Variants in CEP192 observed in about 807,000 individuals in gnomAD.
CEP192 encodes centrosomal protein 192, also known as centrosomal protein of 192 kDa.
A neutral mutation model predicts 271.8 loss-of-function variants in CEP192; 151 were observed. That is an observed-to-expected ratio of 0.56 (90% CI 0.49 to 0.64). CEP192 has a LOEUF of 0.64. Among genes scored for constraint, CEP192 ranks in the 30% least tolerant of loss-of-function variants. The probability of loss-of-function intolerance (pLI) is 0.00; values close to 1 mark genes in which losing one functional copy is unlikely to be tolerated. For missense variants in CEP192, 2,910 were observed against 3,020.5 expected (o/e 0.96, Z 0.86); for synonymous variants, 995 against 1,076.5 (o/e 0.92, Z 1.48).
chr18:13,022,105 C>T (rs1368821943), intron 9 of CEP192, among the ~76,000 whole-genome samples: 1 of 152,038 alleles, frequency 6.6e-6, no homozygotes, highest in Admixed American at 6.6e-5. Context: ...TCCAATTGTT[C>T]CAGCACCATT....
At chr18:13,093,118 C>T (rs1271052099) in intron 34 of CEP192, among the ~76,000 whole-genome samples, 10 of 152,098 alleles carry the variant, frequency 6.6e-5, no homozygotes, top group African/African-American at 9.7e-5. Flanking sequence ...AAGATGGGGA[C>T]ATTGCATTCC....
intron 4 of CEP192, among the ~76,000 whole-genome samples, chr18:13,011,116 A>G (rs2034324562): frequency 6.6e-6 from 1 of 151,460 alleles, no homozygotes; most frequent in Non-Finnish European, 1.5e-5. Context: ...AGTCCCAGCT[A>G]CTTGGGGGGC....
intron 37 of CEP192, 104 bp from the exon 38 acceptor site, chr18:13,100,201 G>A: frequency 1.3e-6 from 1 of 741,932 alleles, no homozygotes; most frequent in South Asian, 1.8e-5. Context: ...TTGATGTTTT[G>A]TTTGTTTGGC....
intron 6 of CEP192, among the ~76,000 whole-genome samples, chr18:13,016,075 C>T (rs996149833): frequency 4.6e-5 from 7 of 152,126 alleles, no homozygotes; most frequent in Admixed American, 6.5e-5. Flanking sequence ...CCTCTGCTCT[C>T]GGACACCTTA....
intron 38 of CEP192, among the ~76,000 whole-genome samples, chr18:13,102,193 T>C (rs1015296231): frequency 1.8e-4 from 28 of 152,266 alleles, no homozygotes; most frequent in African/African-American, 6.3e-4. Flanking sequence ...CCCCTGCTCC[T>C]GCTGTCACTC....
intron 18 of CEP192, among the ~76,000 whole-genome samples, chr18:13,053,354 C>T (rs1264758710): frequency 6.6e-6 from 1 of 152,166 alleles, no homozygotes; most frequent in Non-Finnish European, 1.5e-5. Flanking sequence ...TGCGCGCATA[C>T]TATGGGGACT....
intron 34 of CEP192, among the ~76,000 whole-genome samples, chr18:13,093,958 T>C (rs1417946387): frequency 6.6e-6 from 1 of 152,148 alleles, no homozygotes; most frequent in Non-Finnish European, 1.5e-5. Flanking sequence ...AAGGAGAAAA[T>C]AGATTGCAGG....
intron 30 of CEP192, among the ~76,000 whole-genome samples, chr18:13,084,970 C>T (rs2038824636): frequency 6.6e-6 from 1 of 151,526 alleles, no homozygotes; most frequent in African/African-American, 2.4e-5. Flanking sequence ...CGCATGCCAC[C>T]ACACCCAGCT....
In CEP192 at chr18:13,052,915, T is replaced by G; in HGVS notation, c.3018-4T>G. The G allele has an allele frequency of 1.3e-6, 2 of 1,554,596 alleles. No individual in the cohort carries two copies. The highest frequency in any genetic ancestry group is 2.4e-5 in the South Asian group (2 of 82,972). On this transcript the variant is annotated splice_region_variant and splice_polypyrimidine_tract_variant and intron_variant, in intron 17 of 44. Coordinates refer to ENST00000506447, the MANE Select transcript of CEP192 (RefSeq NM_032142.4). ...TCCAGGTGTGAGCTACTCTTCTCTT[T>G]CAGGTGTGCGTTAGAGTCCTTTGGT...
At chr18:13,063,798 A>G (rs957597461) in intron 21 of CEP192, among the ~76,000 whole-genome samples, 10 of 150,166 alleles carry the variant, frequency 6.7e-5, no homozygotes, top group Admixed American at 6.0e-4. Flanking sequence ...TGCCCAGATC[A>G]ATGTCCTGGA....
intron 44 of CEP192, among the ~76,000 whole-genome samples, chr18:13,118,423 G>T (rs964878999): frequency 2.6e-5 from 4 of 152,196 alleles, no homozygotes; most frequent in Non-Finnish European, 5.9e-5. Flanking sequence ...TACAGTTGAA[G>T]CTCACAGCCC....
chr18:13,039,763 A>C (rs967115807), intron 13 of CEP192, among the ~76,000 whole-genome samples: 5 of 152,198 alleles, frequency 3.3e-5, no homozygotes, highest in Non-Finnish European at 5.9e-5. Context: ...GCCCATCTCC[A>C]GGTGCAGCAG....
At chr18:12,998,040 T>C (rs1403686808) in intron 1 of CEP192, among the ~76,000 whole-genome samples, 2 of 152,192 alleles carry the variant, frequency 1.3e-5, no homozygotes, top group Non-Finnish European at 2.9e-5. Flanking sequence ...ATCTCTTTAG[T>C]GGTCATAAAA....
rs140554728 is a variant in CEP192 at position 13,056,536 on chromosome 18, T to A, written c.3946T>A (p.Ser1316Thr). ...NSVAVGICLG[S>T]NIGSGWMGTS... ...TGTGGCTGTGGGAATTTGTCTAGGATCAAATATCGGCTCTGGATGGATGGG... is the reference window on the plus strand; with the variant it reads ...TGTGGCTGTGGGAATTTGTCTAGGAACAAATATCGGCTCTGGATGGATGGG... Residue 1316 changes from serine (S) to threonine (T), a missense_variant, in exon 19 of 45, where the codon TCA (serine) becomes ACA (threonine). Physicochemically the swap from Ser to Thr is moderately conservative, Grantham distance 58. Coordinates refer to ENST00000506447, the MANE Select transcript of CEP192 (RefSeq NM_032142.4). 6.6e-5 allele frequency: 107 copies of A among 1,614,208 alleles called. No individual in the cohort carries two copies. The African/African-American group carries it at 1.2e-3, about 18-fold the overall frequency.
intron 30 of CEP192, among the ~76,000 whole-genome samples, chr18:13,082,227 T>C (rs2038649566): frequency 6.6e-6 from 1 of 152,138 alleles, no homozygotes; most frequent in Non-Finnish European, 1.5e-5. Context: ...CAATTATTAT[T>C]GTCTGGGAGT....
intron 19 of CEP192, among the ~76,000 whole-genome samples, chr18:13,056,944 A>G (rs951316475): frequency 2.0e-5 from 3 of 152,162 alleles, no homozygotes; most frequent in African/African-American, 7.2e-5. Context: ...TTGCTCTGCC[A>G]TTCCAGTTTT....
Position 13,092,243 on chromosome 18 carries a change from C to G in CEP192, c.6104-134C>G, listed in dbSNP as rs115745519. 1,841 of 579,952 alleles carry G rather than the reference C, an allele frequency of 3.2e-3. 28 individuals carry two copies. The African/African-American group carries it at 0.033, about 10-fold the overall frequency. 35.9% of individuals were successfully genotyped at this position (579,952 alleles called of 1,614,324 possible). On this transcript the variant is annotated intron_variant, in intron 33 of 44. Coordinates refer to ENST00000506447, the MANE Select transcript of CEP192 (RefSeq NM_032142.4). ...CTGTAATTTTGTGCCAGGTGGTATA[C>G]TGCTAATCCAAATGTCACCTCCCCC...
intron 35 of CEP192, 51 bp downstream of exon 35, chr18:13,095,732 T>C (rs760054060): frequency 9.9e-6 from 15 of 1,510,880 alleles, no homozygotes; most frequent in Admixed American, 1.8e-5. Flanking sequence ...CGTCCGGGCC[T>C]GCACTCCCAT....
At chr18:13,009,748 G>C (rs894518202) in intron 4 of CEP192, among the ~76,000 whole-genome samples, 1 of 152,082 alleles carries the variant, frequency 6.6e-6, no homozygotes, top group Non-Finnish European at 1.5e-5. Flanking sequence ...CAGGAGAATC[G>C]CTTGAACCCG....
Sources: allele counts gnomAD v4.1 joint callset (sites outside exome capture counted in the v4.1 genomes callset), GRCh38; gene constraint gnomAD v4.1.1; transcripts MANE v1.5; gene names NCBI Gene and HGNC (gene_info 2026-07-23, HGNC 2026-07-21).